PSMD1: variants seen among roughly 807,000 people sequenced by gnomAD.
The protein encoded by PSMD1 is proteasome 26S subunit, non-ATPase 1.
PSMD1 carries 18 observed loss-of-function variants against 119.0 expected under a neutral mutation model. The observed-to-expected ratio is 0.15, with a 90% CI of 0.10 to 0.22. The LOEUF is 0.22. PSMD1 is among the 10% of genes least tolerant of loss of function. The pLI is 1.00. For synonymous variants in PSMD1, 374 were observed against 396.6 expected, an observed-to-expected ratio of 0.94 and a Z score of 0.68; for missense variants, 702 against 1,158.5, an observed-to-expected ratio of 0.61 and a Z score of 5.72.
intron 17 of PSMD1, chr2:231,139,185 G>A: frequency 2.7e-6 from 1 of 364,242 alleles, no homozygotes; most frequent in Non-Finnish European, 5.3e-6. Flanking sequence ...AGGCTGGAGT[G>A]CAGTGGCGCA....
chr2:231,111,166 T>C (rs773983087), intron 16 of PSMD1, among the ~76,000 whole-genome samples: 5 of 152,196 alleles, frequency 3.3e-5, no homozygotes, highest in Non-Finnish European at 7.3e-5. Context: ...TCTAAGACCT[T>C]AATTTTATAT....
At chr2:231,158,948 T>G (rs978897363) in intron 19 of PSMD1, among the ~76,000 whole-genome samples, 3 of 152,120 alleles carry the variant, frequency 2.0e-5, no homozygotes, top group Admixed American at 2.0e-4. Context: ...TTTTTTCAGA[T>G]GAAAAATTTA....
intron 16 of PSMD1, chr2:231,123,352 A>G (rs1695610991): frequency 1.7e-6 from 2 of 1,186,452 alleles, no homozygotes; most frequent in Non-Finnish European, 2.5e-6. Flanking sequence ...ATGAGTGTCC[A>G]TTCTCTAATA....
chr2:231,087,689 G>A (rs770473905), intron 16 of PSMD1, among the ~76,000 whole-genome samples: 3 of 152,096 alleles, frequency 2.0e-5, no homozygotes, highest in African/African-American at 4.8e-5. Flanking sequence ...TTGGCTGGGC[G>A]CGGTAGCTCA....
At chr2:231,163,812 T>C (rs902674658) in intron 21 of PSMD1, 85 bp downstream of exon 21, 3 of 990,780 alleles carry the variant, frequency 3.0e-6, no homozygotes, top group Non-Finnish European at 4.5e-6. Context: ...CTATCTTTTA[T>C]GTTTTAAAAG....
At chr2:231,120,215 G>T (rs1311577565) in intron 16 of PSMD1, among the ~76,000 whole-genome samples, 3 of 152,174 alleles carry the variant, frequency 2.0e-5, no homozygotes, top group African/African-American at 7.2e-5. Flanking sequence ...GCCTCCTAAA[G>T]TGCTGGGGTT....
At chr2:231,109,040 A>G (rs779950446) in intron 16 of PSMD1, 21 of 1,614,110 alleles carry the variant, frequency 1.3e-5, no homozygotes, top group Non-Finnish European at 1.5e-5. Context: ...CTTTTTCCCA[A>G]TTGTGGATGT....
chr2:231,080,909 G>A (rs182337324), intron 12 of PSMD1, among the ~76,000 whole-genome samples: 1,579 of 152,108 alleles, frequency 0.01, 13 homozygotes, highest in Non-Finnish European at 0.016. Flanking sequence ...TTGGAAGGCC[G>A]AGGCGGGTGG....
intron 16 of PSMD1, among the ~76,000 whole-genome samples, chr2:231,127,822 A>C (rs1368534316): frequency 2.0e-5 from 3 of 152,246 alleles, no homozygotes; most frequent in Non-Finnish European, 4.4e-5. Flanking sequence ...TTAATGGTAG[A>C]GTGAAGTTTT....
At chr2:231,105,572 G>A (rs1280220060) in intron 16 of PSMD1, among the ~76,000 whole-genome samples, 1 of 152,052 alleles carries the variant, frequency 6.6e-6, no homozygotes, top group Non-Finnish European at 1.5e-5. Context: ...GACAGTCTTG[G>A]TGGTCCCTTG....
intron 16 of PSMD1, among the ~76,000 whole-genome samples, chr2:231,118,121 G>A (rs1347170763): frequency 6.8e-6 from 1 of 146,048 alleles, no homozygotes; most frequent in African/African-American, 2.8e-5. Flanking sequence ...TGTAAAGTGG[G>A]GATAATAGTA....
At position 231,093,060 on chromosome 2, in the gene PSMD1, T is replaced by C. The variant is rs1310873599; in HGVS notation, c.1883+5879T>C. On this transcript the variant is annotated intron_variant, in intron 16 of 24. Transcript: ENST00000308696. ...AATCCCTCCTAGCCAAGCAGTTATG[T>C]TATTAGAGGTTGGGAAGGGGGTGTC... Among the ~76,000 whole-genome samples the C allele has an allele frequency of 2.0e-5, 3 of 152,042 alleles. 1 individual carries two copies. The highest frequency in any genetic ancestry group is 4.8e-5 in the African/African-American group (2 of 41,388).
chr2:231,102,560 T>C (rs1014494101), intron 16 of PSMD1, among the ~76,000 whole-genome samples: 2 of 152,062 alleles, frequency 1.3e-5, no homozygotes, highest in Non-Finnish European at 2.9e-5. Flanking sequence ...GAAAAGAAAA[T>C]GTTATTAAGA....
intron 16 of PSMD1, among the ~76,000 whole-genome samples, chr2:231,131,045 T>C (rs922576955): frequency 2.4e-4 from 37 of 152,242 alleles, no homozygotes; most frequent in Admixed American, 1.3e-4. Context: ...TGCCTTGCCC[T>C]CTTTTTCTTT....
chr2:231,130,397 C>T (rs977407945), intron 16 of PSMD1, among the ~76,000 whole-genome samples: 2 of 152,204 alleles, frequency 1.3e-5, no homozygotes, highest in African/African-American at 4.8e-5. Flanking sequence ...CACTGCCCTT[C>T]CCTAAAATAA....
chr2:231,114,081 G>A (rs1214053046), intron 16 of PSMD1: 2 of 670,796 alleles, frequency 3.0e-6, no homozygotes, highest in Admixed American at 2.4e-5. Flanking sequence ...AGATAATGGA[G>A]ACAACATTAA....
At chr2:231,113,985 T>G in intron 16 of PSMD1, 1 of 1,420,874 alleles carries the variant, frequency 7.0e-7, no homozygotes, top group Non-Finnish European at 9.9e-7. Flanking sequence ...CAACTTTCAG[T>G]CTACAGTTTT....
chr2:231,104,108 G>A (rs1694928041), intron 16 of PSMD1, among the ~76,000 whole-genome samples: 1 of 147,896 alleles, frequency 6.8e-6, no homozygotes. Context: ...GTCAGTTAAT[G>A]TTTTGTATTG....
chr2:231,128,525 C>T (rs80273313), intron 16 of PSMD1, among the ~76,000 whole-genome samples: 3,457 of 152,272 alleles, frequency 0.023, 141 homozygotes, highest in African/African-American at 0.078. Context: ...GTTATTTTAA[C>T]GAAAGACTTT....
Sources: gnomAD v4.1 joint callset for allele counts (sites outside exome capture counted in the v4.1 genomes callset) on GRCh38, gnomAD v4.1.1 for gene constraint, MANE v1.5 for transcripts, NCBI Gene and HGNC (gene_info 2026-07-23, HGNC 2026-07-21) for gene names.